Variants in DPYD observed in about 807,000 individuals in gnomAD.
DPYD encodes the protein dihydropyrimidine dehydrogenase [NADP(+)].
DPYD carries 109 observed loss-of-function variants against 116.2 expected under a neutral mutation model. The observed-to-expected ratio is 0.94, with a 90% CI of 0.80 to 1.10. DPYD has a LOEUF of 1.10. DPYD is among the 50% of genes least tolerant of loss of function. DPYD has a pLI of 0.00. For synonymous variants in DPYD, 440 were observed against 432.0 expected (o/e 1.02, Z -0.23); for missense variants, 1,302 against 1,254.5 (o/e 1.04, Z -0.57).
At chr1:97,177,858 C>T (rs892777719) in intron 20 of DPYD, among the ~76,000 whole-genome samples, 1 of 151,998 alleles carries the variant, frequency 6.6e-6, no homozygotes, top group Non-Finnish European at 1.5e-5. Context: ...CCATTCTGGA[C>T]GCTGGGAAGT....
intron 16 of DPYD, among the ~76,000 whole-genome samples, chr1:97,356,006 T>C (rs1049678504): frequency 6.6e-6 from 1 of 152,204 alleles, no homozygotes; most frequent in Non-Finnish European, 1.5e-5. Flanking sequence ...GGAACTTTTA[T>C]GATGTTTCCA....
At chr1:97,779,209 C>T (rs1666589289) in intron 3 of DPYD, among the ~76,000 whole-genome samples, 1 of 151,980 alleles carries the variant, frequency 6.6e-6, no homozygotes, top group African/African-American at 2.4e-5. Flanking sequence ...TACATGCTGG[C>T]AAGTAACCTA....
intron 8 of DPYD, among the ~76,000 whole-genome samples, chr1:97,635,741 C>T (rs1227555967): frequency 6.6e-6 from 1 of 152,150 alleles, no homozygotes; most frequent in Non-Finnish European, 1.5e-5. Context: ...ATTAACTCAA[C>T]TCATTATGTC....
chr1:97,914,616 C>A (rs753852800), intron 1 of DPYD, among the ~76,000 whole-genome samples: 1 of 152,036 alleles, frequency 6.6e-6, no homozygotes, highest in Non-Finnish European at 1.5e-5. Flanking sequence ...ATCTTATTAA[C>A]CTACGTAATA....
chr1:97,555,913 G>A (rs1651668845), intron 11 of DPYD, among the ~76,000 whole-genome samples: 1 of 152,094 alleles, frequency 6.6e-6, no homozygotes, highest in South Asian at 2.1e-4. Flanking sequence ...GTACATACAT[G>A]TACAGTAGTA....
chr1:97,719,843 A>G lies in DPYD; in HGVS notation c.483+1667T>C, dbSNP rs1662821246. On this transcript the variant is annotated intron_variant, in intron 5 of 22. Transcript: ENST00000370192. ...AAACTATAATTGGAATGAAATAAGC[A>G]GATACATTCCTATTCTAAATTCCTT... is the stretch of plus-strand genomic sequence containing the variant. 6.1e-6 allele frequency: 6 copies of G among 984,690 alleles called. No homozygotes were observed. In the South Asian group the frequency reaches 2.3e-4, roughly 39 times the overall value. 61.0% of individuals were successfully genotyped at this position (984,690 alleles called of 1,614,324 possible).
intron 21 of DPYD, among the ~76,000 whole-genome samples, chr1:97,092,483 A>G (rs1649960633): frequency 6.6e-6 from 1 of 152,150 alleles, no homozygotes; most frequent in Non-Finnish European, 1.5e-5. Context: ...CTTCCACACT[A>G]TCATTTTATT....
chr1:97,662,559 G>A (rs1659326432), intron 8 of DPYD, among the ~76,000 whole-genome samples: 1 of 152,046 alleles, frequency 6.6e-6, no homozygotes, highest in South Asian at 2.1e-4. Flanking sequence ...CTGGAATCCA[G>A]GAGGCAGAGT....
At position 97,920,305 on chromosome 1, in the gene DPYD, C is replaced by G. The variant is rs141377748; in HGVS notation, c.39+579G>C. On this transcript the variant is annotated intron_variant, in intron 1 of 22. Transcript: ENST00000370192. The stretch of plus-strand genomic sequence containing the variant: ...GGAGAGAAAAATACAGTTAGTTTTT[C>G]TGAGGGCACTGCATTTTTCATGTTC... 3.7e-3 allele frequency among the ~76,000 whole-genome samples: 560 copies of G among 152,226 alleles called. 8 individuals carry two copies. The highest frequency in any genetic ancestry group is 0.013 in the African/African-American group (545 of 41,530).
chr1:97,382,733 T>C (rs558988539), intron 14 of DPYD, among the ~76,000 whole-genome samples: 2 of 152,262 alleles, frequency 1.3e-5, no homozygotes, highest in East Asian at 1.9e-4. Context: ...CAGCATTCTC[T>C]TTTTCAAAAT....
intron 8 of DPYD, among the ~76,000 whole-genome samples, chr1:97,663,000 A>C (rs1659355326): frequency 6.6e-6 from 1 of 152,204 alleles, no homozygotes. Context: ...TGCCAATTTC[A>C]GTGAAAAGGT....
chr1:97,147,288 G>C (rs1293957552), intron 20 of DPYD, among the ~76,000 whole-genome samples: 8 of 152,218 alleles, frequency 5.3e-5, no homozygotes, highest in Admixed American at 5.2e-4. Context: ...GGCAGAGATT[G>C]CAGTGAGCTG....
intron 3 of DPYD, among the ~76,000 whole-genome samples, chr1:97,787,941 C>A (rs755972557): frequency 6.6e-6 from 1 of 152,104 alleles, no homozygotes; most frequent in Non-Finnish European, 1.5e-5. Context: ...AAAAATCACA[C>A]GGTAGTAGAG....
At chr1:97,886,303 T>TTC (rs989581130) in intron 1 of DPYD, among the ~76,000 whole-genome samples, 35 of 152,008 alleles carry the variant, frequency 2.3e-4, no homozygotes, top group African/African-American at 7.7e-4. Context: ...ATTTCTCATT[T>TTC]TCTCTCTCCC....
chr1:97,621,318 T>A (rs1656619555), intron 8 of DPYD, among the ~76,000 whole-genome samples: 1 of 152,068 alleles, frequency 6.6e-6, no homozygotes, highest in African/African-American at 2.4e-5. Context: ...GGGAGTCAGG[T>A]GTTTTCACTG....
intron 16 of DPYD, among the ~76,000 whole-genome samples, chr1:97,345,947 T>C (rs1024432552): frequency 6.6e-6 from 1 of 151,920 alleles, no homozygotes; most frequent in Non-Finnish European, 1.5e-5. Flanking sequence ...AAAAATAGGT[T>C]TAAAATTTTG....
intron 3 of DPYD, among the ~76,000 whole-genome samples, chr1:97,776,169 TTC>T (rs1164905722): frequency 1.3e-5 from 2 of 151,714 alleles, no homozygotes; most frequent in African/African-American, 4.9e-5. Context: ...CTGATCAAAT[TTC>T]TTTTTTCACC....
chr1:97,824,901 C>G (rs1669158182), intron 3 of DPYD, among the ~76,000 whole-genome samples: 3 of 152,122 alleles, frequency 2.0e-5, no homozygotes, highest in South Asian at 4.1e-4. Flanking sequence ...AAAATACTAA[C>G]AAGTCTCAAA....
At chr1:97,114,917 C>T (rs935856084) in intron 20 of DPYD, among the ~76,000 whole-genome samples, 1 of 152,122 alleles carries the variant, frequency 6.6e-6, no homozygotes, top group Non-Finnish European at 1.5e-5. Context: ...CATTGTAATC[C>T]ATCTCTTATG....
Sources: gnomAD v4.1 joint callset for allele counts (sites outside exome capture counted in the v4.1 genomes callset) on GRCh38, gnomAD v4.1.1 for gene constraint, MANE v1.5 for transcripts, NCBI Gene and HGNC (gene_info 2026-07-23, HGNC 2026-07-21) for gene names.